The following RBM19 variants were observed in gnomAD, a reference collection of about 807,000 sequenced individuals.
The protein encoded by RBM19 is probable RNA-binding protein 19.
A neutral mutation model predicts 116.8 loss-of-function variants in RBM19; 94 were observed. The ratio of observed to expected loss-of-function variants is 0.80; its 90% CI spans 0.68 to 0.95. The LOEUF is 0.95. Among genes scored for constraint, RBM19 ranks in the 40% least tolerant of loss-of-function variants. RBM19 has a pLI of 0.00. For synonymous variants in RBM19, 475 were observed against 494.1 expected, an observed-to-expected ratio of 0.96 and a Z score of 0.51; for missense variants, 1,161 against 1,220.7, an observed-to-expected ratio of 0.95 and a Z score of 0.73.
At chr12:113,841,424 T>TTTC (rs1400241012) in intron 23 of RBM19, among the ~76,000 whole-genome samples, 268 of 136,206 alleles carry the variant, frequency 2.0e-3, no homozygotes, top group African/African-American at 7.7e-3. Flanking sequence ...TTTCTTTTCT[T>TTTC]TTTTTTTTTT....
At chr12:113,826,915 C>A (rs1050481400) in intron 23 of RBM19, among the ~76,000 whole-genome samples, 2 of 152,190 alleles carry the variant, frequency 1.3e-5, no homozygotes, top group African/African-American at 4.8e-5. Context: ...TACCTGCCAA[C>A]TATGTACTCA....
At chr12:113,906,067 A>G (rs1258346536) in intron 21 of RBM19, among the ~76,000 whole-genome samples, 1 of 152,226 alleles carries the variant, frequency 6.6e-6, no homozygotes, top group African/African-American at 2.4e-5. Flanking sequence ...CTGGAAATAA[A>G]TATCTACTAA....
Position 113,948,985 on chromosome 12 carries a change from C to T in RBM19, c.1124G>A (p.Gly375Asp), listed in dbSNP as rs562331482. The change falls in exon 10 of 24, where the codon GGT (glycine) becomes GAT (aspartate). Residue 375 changes from glycine to aspartate, a missense_variant. Physicochemically the swap from Gly to Asp is moderately conservative, Grantham distance 94. Transcript: ENST00000261741. ...FREKNVPTTK[G>D]APKNTTKSWQ... Reference sequence around the variant, plus strand: ...GGATTTGGTGGTATTCTTTGGTGCACCCTTGGTGGTGGGGACGTTCTTTTC... The same window carrying T: ...GGATTTGGTGGTATTCTTTGGTGCATCCTTGGTGGTGGGGACGTTCTTTTC... 10 of 1,614,198 alleles carry T rather than the reference C, an allele frequency of 6.2e-6. No individual in the cohort carries two copies. In the African/African-American group the frequency reaches 1.2e-4, roughly 19 times the overall value.
chr12:113,940,995 A>T (rs1016672742), intron 14 of RBM19, among the ~76,000 whole-genome samples: 1 of 152,244 alleles, frequency 6.6e-6, no homozygotes, highest in Non-Finnish European at 1.5e-5. Context: ...TAATTTTATT[A>T]AAAAATAATG....
rs1049584612 is a variant in RBM19, at chr12:113,842,394, C to T, written c.2785+2274G>A. Among the ~76,000 whole-genome samples the T allele has an allele frequency of 5.9e-5, 9 of 152,218 alleles. No individual in the cohort carries two copies. The East Asian group carries it at 1.7e-3, about 29-fold the overall frequency. On this transcript the variant is annotated intron_variant, in intron 23 of 23. Coordinates refer to ENST00000261741, the MANE Select transcript of RBM19 (RefSeq NM_016196.4). ...CGCATTTGGGCTTGTCAATGGTTGT[C>T]GATAAGGACAGGCTCTCTTTCTGCA...
chr12:113,915,035 G>A lies in RBM19; in HGVS notation c.2492C>T (p.Thr831Ile), dbSNP rs774302851. The change falls in exon 21 of 24, where the codon ACC becomes ATC. Residue 831 changes from threonine to isoleucine, a missense_variant. Coordinates refer to ENST00000261741, the MANE Select transcript of RBM19 (RefSeq NM_016196.4). Reference protein sequence around the residue: ...RKKQVPRKQTTSKILVRNIPF... With the variant: ...RKKQVPRKQTISKILVRNIPF... The stretch of plus-strand genomic sequence containing the variant: ...GATGTTCCGCACCAGGATCTTGGAG[G>A]TGGTCTGCTTTCTGGGAACTTGTTT... 5 of 1,614,122 alleles carry A rather than the reference G, an allele frequency of 3.1e-6. No individual in the cohort carries two copies. The African/African-American group carries it at 6.7e-5, about 22-fold the overall frequency.
intron 23 of RBM19, among the ~76,000 whole-genome samples, chr12:113,833,875 C>G (rs1464264359): frequency 6.6e-6 from 1 of 152,146 alleles, no homozygotes; most frequent in Non-Finnish European, 1.5e-5. Context: ...TCCCGAGTAG[C>G]TGGGACTACA....
intron 16 of RBM19, among the ~76,000 whole-genome samples, chr12:113,929,072 C>T (rs191648340): frequency 1.5e-4 from 23 of 152,260 alleles, no homozygotes; most frequent in African/African-American, 4.6e-4. Flanking sequence ...GGAGGTCCCA[C>T]GGGCGGGTAC....
chr12:113,940,022 T>C lies in RBM19; in HGVS notation c.1876A>G (p.Ile626Val). 1 of 1,614,144 alleles carries C rather than the reference T, an allele frequency of 6.2e-7. No individual in the cohort carries two copies. The highest frequency in any genetic ancestry group is 8.5e-7 in the Non-Finnish European group (1 of 1,180,008). Residue 626 changes from isoleucine (I) to valine (V), a missense_variant, in exon 15 of 24, where the codon ATC (isoleucine) becomes GTC (valine). Coordinates refer to ENST00000261741, the MANE Select transcript of RBM19 (RefSeq NM_016196.4). ...TCCAGGGGCTCCAGGAACTCCACGA[T>C]GGCAGTGATTCCGCCCTCTGGCAGC... ...VLLPEGGITA[I>V]VEFLEPLEAR...
intron 21 of RBM19, among the ~76,000 whole-genome samples, chr12:113,884,335 G>C (rs1348739170): frequency 1.9e-5 from 2 of 108,082 alleles, no homozygotes; most frequent in African/African-American, 4.3e-5. Context: ...ACACACACAC[G>C]TACTTTTTGC....
intron 21 of RBM19, among the ~76,000 whole-genome samples, chr12:113,886,435 C>G (rs1880522953): frequency 6.6e-6 from 1 of 152,186 alleles, no homozygotes; most frequent in Non-Finnish European, 1.5e-5. Flanking sequence ...GACTGGCCAG[C>G]TTTGCCATTT....
intron 20 of RBM19, 70 bp downstream of exon 20, chr12:113,918,322 C>A (rs1486097306): frequency 1.3e-6 from 2 of 1,495,766 alleles, no homozygotes; most frequent in African/African-American, 2.8e-5. Context: ...AGACAGCCTC[C>A]AGGGTGGCCG....
rs768719033 is a variant in RBM19 at position 113,960,079 on chromosome 12, T to G, written c.319A>C (p.Thr107Pro). ...SQPKQPPKDS[T>P]TPEIKKDEKK... is the part of the protein sequence containing the mutation. ...CATACTTTCTTAATTTCTGGAGTAG[T>G]AGAGTCTTTTGGAGGCTGCTTGGGC... Residue 107 changes from threonine to proline, a missense_variant, in exon 3 of 24, where the codon ACT (threonine) becomes CCT (proline). Thr to Pro is a conservative substitution (Grantham distance 38). Coordinates refer to ENST00000261741, the MANE Select transcript of RBM19 (RefSeq NM_016196.4). The G allele has an allele frequency of 2.5e-6, 4 of 1,614,094 alleles. No individual in the cohort carries two copies. Among genetic ancestry groups the G allele is most frequent in the South Asian group, 1.1e-5 (1 of 91,084 alleles).
intron 21 of RBM19, among the ~76,000 whole-genome samples, chr12:113,890,798 A>G (rs192457863): frequency 6.6e-6 from 1 of 152,276 alleles, no homozygotes; most frequent in East Asian, 1.9e-4. Flanking sequence ...TGGAATATAT[A>G]TAATTTTTGA....
At chr12:113,952,700 C>T (rs1871576621) in intron 7 of RBM19, 110 bp from the exon 8 acceptor site, 10 of 866,184 alleles carry the variant, frequency 1.2e-5, no homozygotes, top group Admixed American at 4.7e-5. Flanking sequence ...GTGTTTCATT[C>T]TTTAGTTTTT....
At chr12:113,892,769 C>T (rs1048415390) in intron 21 of RBM19, among the ~76,000 whole-genome samples, 1 of 152,136 alleles carries the variant, frequency 6.6e-6, no homozygotes, top group African/African-American at 2.4e-5. Flanking sequence ...ACACCCTCCT[C>T]GCCCTCCCCT....
At chr12:113,847,618 G>C (rs1247350059) in intron 22 of RBM19, among the ~76,000 whole-genome samples, 2 of 152,094 alleles carry the variant, frequency 1.3e-5, no homozygotes, top group Admixed American at 6.5e-5. Flanking sequence ...CCGGGGACAC[G>C]GTGGGGTGGG....
rs1874453222 is a variant in RBM19, at chr12:113,822,081, AC to A, written c.*1142del. On this transcript the variant is annotated 3_prime_UTR_variant, in exon 24 of 24. Coordinates refer to ENST00000261741, the MANE Select transcript of RBM19 (RefSeq NM_016196.4). The stretch of plus-strand genomic sequence containing the variant: ...CTGATGAGAATCTTCTCTGGGCTTT[AC>A]TTGGCTTGACTCACTTAATTCTGGC... The A allele has an allele frequency of 6.6e-6, 1 of 152,264 alleles. No homozygotes were observed. Among genetic ancestry groups the A allele is most frequent in the African/African-American group, 2.4e-5 (1 of 41,472 alleles). 9.4% of individuals were successfully genotyped at this position (152,264 alleles called of 1,614,324 possible).
At chr12:113,866,420 G>C (rs996013567) in intron 21 of RBM19, among the ~76,000 whole-genome samples, 3 of 152,164 alleles carry the variant, frequency 2.0e-5, no homozygotes, top group African/African-American at 7.2e-5. Context: ...GAAATCCCAG[G>C]GATGAGCACT....
Sources: gnomAD v4.1 joint callset for allele counts (sites outside exome capture counted in the v4.1 genomes callset) on GRCh38, gnomAD v4.1.1 for gene constraint, MANE v1.5 for transcripts, NCBI Gene and HGNC (gene_info 2026-07-23, HGNC 2026-07-21) for gene names.